Variants in METTL15 observed in about 807,000 individuals in gnomAD.
METTL15 encodes methyltransferase 15, mitochondrial 12S rRNA N4-cytidine, also known as 12S rRNA N(4)-cytidine methyltransferase METTL15.
Under a neutral mutation model 38.3 loss-of-function variants are expected in METTL15, and 34 were observed. That is an observed-to-expected ratio of 0.89 (90% CI 0.68 to 1.18). The LOEUF (loss-of-function observed/expected upper bound fraction) is 1.18. METTL15 is among the 50% of genes most tolerant of loss of function. The pLI is 0.00. For missense variants in METTL15, 438 were observed against 498.4 expected, an observed-to-expected ratio of 0.88 and a Z score of 1.15; for synonymous variants, 162 against 170.9, an observed-to-expected ratio of 0.95 and a Z score of 0.41.
chr11:28,526,182 C>A (rs888660172), intron 6 of METTL15, among the ~76,000 whole-genome samples: 4 of 152,234 alleles, frequency 2.6e-5, no homozygotes, highest in African/African-American at 7.2e-5. Flanking sequence ...CACCTCCTGG[C>A]AAGCTGAGGG....
At chr11:28,466,602 C>A (rs1279281312) in intron 6 of METTL15, among the ~76,000 whole-genome samples, 1 of 152,172 alleles carries the variant, frequency 6.6e-6, no homozygotes, top group Non-Finnish European at 1.5e-5. Context: ...CAGTGTCAAC[C>A]CCAGCCTCAC....
At chr11:28,286,101 C>T (rs1000069978) in intron 4 of METTL15, among the ~76,000 whole-genome samples, 4 of 151,916 alleles carry the variant, frequency 2.6e-5, no homozygotes, top group Non-Finnish European at 5.9e-5. Flanking sequence ...GTTAACTCAC[C>T]TGATTGTGGG....
At chr11:28,368,894 T>A (rs1850216158) in intron 5 of METTL15, among the ~76,000 whole-genome samples, 1 of 151,816 alleles carries the variant, frequency 6.6e-6, no homozygotes, top group Admixed American at 6.6e-5. Context: ...CAGCAAACTA[T>A]CACAAGAACA....
At chr11:28,207,201 A>G (rs992572017) in intron 3 of METTL15, among the ~76,000 whole-genome samples, 1 of 151,574 alleles carries the variant, frequency 6.6e-6, no homozygotes, top group African/African-American at 2.4e-5. Flanking sequence ...TTCAAAGGGA[A>G]TGCTTCCAGT....
At chr11:28,161,809 G>A (rs1239658864) in intron 3 of METTL15, among the ~76,000 whole-genome samples, 1 of 151,998 alleles carries the variant, frequency 6.6e-6, no homozygotes, top group African/African-American at 2.4e-5. Context: ...TGTGCTGTTG[G>A]CAAGGCACTG....
chr11:28,332,629 G>A lies in METTL15; in HGVS notation c.*1788G>A, dbSNP rs1849846594. The A allele has an allele frequency of 1.3e-5, 2 of 149,000 alleles. No homozygotes were observed. Among genetic ancestry groups the A allele is most frequent in the African/African-American group, 5.1e-5 (2 of 39,416 alleles). The allele number at this position is 149,000 out of a possible 1,614,324, so 9.2% of individuals were successfully genotyped here. On this transcript the variant is annotated 3_prime_UTR_variant, in exon 7 of 7. Transcript: ENST00000407364. Reference sequence around the variant, plus strand: ...ATGAGGTCATACTGGAGCAGGGCAGGCCCTTAATCCAATATGACTGGTGTT... The same window carrying A: ...ATGAGGTCATACTGGAGCAGGGCAGACCCTTAATCCAATATGACTGGTGTT...
intron 6 of METTL15, among the ~76,000 whole-genome samples, chr11:28,443,577 G>A (rs1198367619): frequency 6.6e-6 from 1 of 151,946 alleles, no homozygotes; most frequent in Non-Finnish European, 1.5e-5. Flanking sequence ...GACCTCCAAG[G>A]CAACACACTC....
intron 6 of METTL15, among the ~76,000 whole-genome samples, chr11:28,434,385 A>G (rs1850963397): frequency 6.6e-6 from 1 of 152,218 alleles, no homozygotes; most frequent in Non-Finnish European, 1.5e-5. Flanking sequence ...GTGAGAATAA[A>G]CTAAGGCAGA....
chr11:28,142,599 A>G (rs1849737771), intron 3 of METTL15, among the ~76,000 whole-genome samples: 1 of 152,194 alleles, frequency 6.6e-6, no homozygotes. Flanking sequence ...GTAGATTTCT[A>G]TAATTTTTAT....
At chr11:28,407,492 G>A (rs113519633) in intron 5 of METTL15, among the ~76,000 whole-genome samples, 3 of 152,154 alleles carry the variant, frequency 2.0e-5, no homozygotes, top group African/African-American at 4.8e-5. Flanking sequence ...TTTAAAAAGC[G>A]GGCAAAGGAC....
chr11:28,201,610 G>GGGGTGTGTGTGTGTGTGTGT (rs1554997839), intron 3 of METTL15, among the ~76,000 whole-genome samples: 4 of 145,564 alleles, frequency 2.7e-5, no homozygotes, highest in Non-Finnish European at 4.5e-5. Flanking sequence ...GTCTTGGGAG[G>GGGGTGTGTGTGTGTGTGTGT]GTGTGTGTGT....
intron 3 of METTL15, among the ~76,000 whole-genome samples, chr11:28,148,062 C>T (rs1849950087): frequency 6.6e-6 from 1 of 151,824 alleles, no homozygotes; most frequent in African/African-American, 2.4e-5. Flanking sequence ...ATATTTTGCT[C>T]ATAGATTGGC....
rs1311939097 is a variant in METTL15, at chr11:28,181,335, G to C, written c.271-29727G>C. ...AGGTTTGTTACATAGGTATATACGT[G>C]CCATGGTGGTTTGCCATACTCATCA... On this transcript the variant is annotated intron_variant, in intron 3 of 6. Coordinates refer to ENST00000407364, the MANE Select transcript of METTL15 (RefSeq NM_001113528.2). 2.2e-5 allele frequency among the ~76,000 whole-genome samples: 3 copies of C among 139,090 alleles called. No homozygotes were observed. The East Asian group carries it at 6.3e-4, about 29-fold the overall frequency. 91.2% of individuals were successfully genotyped at this position (139,090 alleles called of 152,430 possible).
At chr11:28,302,429 C>A (rs1856944037) in intron 6 of METTL15, among the ~76,000 whole-genome samples, 1 of 152,064 alleles carries the variant, frequency 6.6e-6, no homozygotes. Context: ...CGCATAATTC[C>A]CATGTGTTGT....
chr11:28,187,056 TAAAC>T lies in METTL15; in HGVS notation c.271-24002_271-23999del, dbSNP rs1392520513. The stretch of plus-strand genomic sequence containing the variant: ...GAGCTTGATTAAACTGGAATAACCT[TAAAC>T]AAATCTTTCCTGGAAACTTCTTAGA... On this transcript the variant is annotated intron_variant, in intron 3 of 6. Coordinates refer to ENST00000407364, the MANE Select transcript of METTL15 (RefSeq NM_001113528.2). Among the ~76,000 whole-genome samples the T allele has an allele frequency of 2.0e-5, 3 of 151,336 alleles. No homozygotes were observed. The East Asian group carries it at 5.8e-4, about 29-fold the overall frequency.
intron 6 of METTL15, among the ~76,000 whole-genome samples, chr11:28,451,030 T>TTGAC (rs1315719222): frequency 3.3e-5 from 5 of 152,228 alleles, no homozygotes; most frequent in Admixed American, 3.3e-4. Flanking sequence ...TCAGCTATGT[T>TTGAC]TGACTCCAAA....
At chr11:28,245,043 C>G (rs897125044) in intron 4 of METTL15, among the ~76,000 whole-genome samples, 1 of 152,152 alleles carries the variant, frequency 6.6e-6, no homozygotes, top group Non-Finnish European at 1.5e-5. Flanking sequence ...AGGACCTGAA[C>G]TGATGTTCAG....
intron 4 of METTL15, among the ~76,000 whole-genome samples, chr11:28,281,596 A>G (rs1856058713): frequency 6.6e-6 from 1 of 152,176 alleles, no homozygotes; most frequent in South Asian, 2.1e-4. Context: ...GGTCTGATCA[A>G]GTTAAACTGC....
chr11:28,153,096 G>A (rs540055096), intron 3 of METTL15, among the ~76,000 whole-genome samples: 8 of 151,990 alleles, frequency 5.3e-5, no homozygotes, highest in African/African-American at 1.7e-4. Context: ...CTTGGTTTTG[G>A]TGGGTTTGGG....
Sources: allele counts gnomAD v4.1 joint callset (sites outside exome capture counted in the v4.1 genomes callset), GRCh38; gene constraint gnomAD v4.1.1; transcripts MANE v1.5; gene names NCBI Gene and HGNC (gene_info 2026-07-23, HGNC 2026-07-21).